The following NEGR1 variants were observed in gnomAD, a reference collection of about 807,000 sequenced individuals.
NEGR1 encodes the protein neuronal growth regulator 1, also known as IgLON family member 4.
NEGR1 carries 10 observed loss-of-function variants against 40.9 expected under a neutral mutation model. That is an observed-to-expected ratio of 0.24 (90% CI 0.15 to 0.42). The LOEUF is 0.42. Among genes scored for constraint, NEGR1 ranks in the 10% least tolerant of loss-of-function variants. The pLI is 1.00. For synonymous variants in NEGR1, 185 were observed against 166.8 expected (o/e 1.11, Z -0.84); for missense variants, 352 against 438.9 (o/e 0.80, Z 1.77).
rs571324722 is a variant in NEGR1, at chr1:72,054,954, G to A, written c.177-119643C>T. ...AAGGGATGATATTTCATGTGCAAGC[G>A]CATTCAATTTATGGAGACTATAGTA... On this transcript the variant is annotated intron_variant, in intron 1 of 6. Coordinates refer to ENST00000357731, the MANE Select transcript of NEGR1 (RefSeq NM_173808.3). Among the ~76,000 whole-genome samples, 22 of 151,076 alleles carry A rather than the reference G, an allele frequency of 1.5e-4. No individual in the cohort carries two copies. The East Asian group carries it at 2.2e-3, about 15-fold the overall frequency.
At chr1:71,964,739 A>C (rs944363028) in intron 1 of NEGR1, among the ~76,000 whole-genome samples, 1 of 152,174 alleles carries the variant, frequency 6.6e-6, no homozygotes, top group African/African-American at 2.4e-5. Flanking sequence ...ATCAATGAAC[A>C]CATAGCTACA....
intron 4 of NEGR1, among the ~76,000 whole-genome samples, chr1:71,642,368 G>A (rs1200971834): frequency 6.6e-6 from 1 of 151,680 alleles, no homozygotes; most frequent in African/African-American, 2.4e-5. Context: ...ATTGAATGTG[G>A]AGAAAGAAAG....
At chr1:72,220,905 C>T (rs1341883162) in intron 1 of NEGR1, among the ~76,000 whole-genome samples, 3 of 126,304 alleles carry the variant, frequency 2.4e-5, no homozygotes, top group Non-Finnish European at 4.8e-5. Context: ...TTACTTCTAC[C>T]TACCTAAAGT....
intron 2 of NEGR1, among the ~76,000 whole-genome samples, chr1:71,916,203 AT>A (rs2101878028): frequency 6.6e-6 from 1 of 152,282 alleles, no homozygotes; most frequent in South Asian, 2.1e-4. Flanking sequence ...TTAAATGTTT[AT>A]TTTATACTAT....
intron 4 of NEGR1, among the ~76,000 whole-genome samples, chr1:71,672,205 G>A (rs1652459912): frequency 6.6e-6 from 1 of 151,880 alleles, no homozygotes; most frequent in Non-Finnish European, 1.5e-5. Flanking sequence ...AGAAAGTTTG[G>A]GGATATAAAC....
chr1:71,904,288 A>G (rs574303801), intron 2 of NEGR1, among the ~76,000 whole-genome samples: 1 of 152,182 alleles, frequency 6.6e-6, no homozygotes. Context: ...GTTATATTGT[A>G]AATTATAAAA....
chr1:71,546,997 C>G (rs753000938), intron 6 of NEGR1, among the ~76,000 whole-genome samples: 1 of 151,650 alleles, frequency 6.6e-6, no homozygotes, highest in South Asian at 2.1e-4. Flanking sequence ...TAGAGAGAGG[C>G]TGGCAAGTTG....
chr1:71,867,853 C>T (rs1028309655), intron 2 of NEGR1, among the ~76,000 whole-genome samples: 1 of 152,042 alleles, frequency 6.6e-6, no homozygotes, highest in African/African-American at 2.4e-5. Context: ...ATTATGTTCC[C>T]TTTTCTCTTA....
intron 1 of NEGR1, among the ~76,000 whole-genome samples, chr1:72,007,809 T>C (rs1303496497): frequency 2.0e-5 from 3 of 152,188 alleles, no homozygotes; most frequent in African/African-American, 4.8e-5. Context: ...ATTTCAGTTC[T>C]TTATTCATTA....
chr1:71,447,063 A>G (rs1280511826), intron 6 of NEGR1, among the ~76,000 whole-genome samples: 1 of 152,178 alleles, frequency 6.6e-6, no homozygotes, highest in Non-Finnish European at 1.5e-5. Flanking sequence ...AGGTCCTGTT[A>G]GGACCCAGGC....
chr1:72,153,364 C>T (rs1651239596), intron 1 of NEGR1, among the ~76,000 whole-genome samples: 1 of 151,724 alleles, frequency 6.6e-6, no homozygotes, highest in Non-Finnish European at 1.5e-5. Context: ...ATTTAGAATG[C>T]AAAGTCTAAA....
chr1:71,993,266 A>G (rs1646471131), intron 1 of NEGR1, among the ~76,000 whole-genome samples: 3 of 152,188 alleles, frequency 2.0e-5, no homozygotes, highest in Admixed American at 2.0e-4. Context: ...TTGAATATCT[A>G]AAAGAACTTT....
At chr1:71,615,900 C>G (rs1028458135) in intron 4 of NEGR1, among the ~76,000 whole-genome samples, 3 of 152,246 alleles carry the variant, frequency 2.0e-5, no homozygotes, top group Middle Eastern at 6.8e-3. Flanking sequence ...TTGGCCAATG[C>G]ATAGAAAAGG....
intron 2 of NEGR1, among the ~76,000 whole-genome samples, chr1:71,881,289 ACT>A (rs1050661494): frequency 7.9e-5 from 12 of 152,068 alleles, no homozygotes; most frequent in Admixed American, 7.9e-4. Flanking sequence ...AGAAGAGGAT[ACT>A]CTCTGCTTCG....
chr1:71,653,855 G>T (rs904581797), intron 4 of NEGR1, among the ~76,000 whole-genome samples: 2 of 151,878 alleles, frequency 1.3e-5, no homozygotes, highest in Non-Finnish European at 2.9e-5. Context: ...TTAATAAATT[G>T]TCAAGTTCAC....
chr1:71,575,281 G>A lies in NEGR1; in HGVS notation c.940+17536C>T, dbSNP rs576534168. ...AAAGCAGTAGAGAAATAGCTACAAA[G>A]CATCAACCTTGACATCAAAGAAGAC... is the stretch of plus-strand genomic sequence containing the variant. On this transcript the variant is annotated intron_variant, in intron 6 of 6. Transcript: ENST00000357731. 5.3e-5 allele frequency among the ~76,000 whole-genome samples: 8 copies of A among 152,306 alleles called. No individual in the cohort carries two copies. The South Asian group carries it at 1.7e-3, about 32-fold the overall frequency.
chr1:72,245,973 T>A (rs536915092), intron 1 of NEGR1, among the ~76,000 whole-genome samples: 1 of 152,158 alleles, frequency 6.6e-6, no homozygotes, highest in African/African-American at 2.4e-5. Flanking sequence ...ATTTAAAAAA[T>A]ATCTAAATAT....
chr1:72,013,232 G>A (rs1190044455), intron 1 of NEGR1, among the ~76,000 whole-genome samples: 2 of 151,954 alleles, frequency 1.3e-5, no homozygotes, highest in Non-Finnish European at 2.9e-5. Context: ...TATTTTGTGG[G>A]AAAAAATCCA....
intron 3 of NEGR1, among the ~76,000 whole-genome samples, chr1:71,752,454 C>G (rs910036513): frequency 6.6e-6 from 1 of 152,082 alleles, no homozygotes; most frequent in African/African-American, 2.4e-5. Context: ...TTTTACTGGC[C>G]AGCTAGCTAT....
Sources: allele counts gnomAD v4.1 joint callset (sites outside exome capture counted in the v4.1 genomes callset), GRCh38; gene constraint gnomAD v4.1.1; transcripts MANE v1.5; gene names NCBI Gene and HGNC (gene_info 2026-07-23, HGNC 2026-07-21).